RACGAP1: variants seen among roughly 807,000 people sequenced by gnomAD.
RACGAP1 encodes the protein rac GTPase-activating protein 1.
RACGAP1 carries 30 observed loss-of-function variants against 78.1 expected under a neutral mutation model. That is an observed-to-expected ratio of 0.38 (90% CI 0.29 to 0.52). The LOEUF (loss-of-function observed/expected upper bound fraction) is 0.52. RACGAP1 is among the 20% of genes least tolerant of loss of function. RACGAP1 has a pLI of 0.82. For missense variants in RACGAP1, 587 were observed against 777.1 expected (o/e 0.76, Z 2.91); for synonymous variants, 231 against 264.8 (o/e 0.87, Z 1.24).
intron 7 of RACGAP1, among the ~76,000 whole-genome samples, chr12:50,000,595 C>T (rs1020754086): frequency 7.2e-5 from 11 of 151,904 alleles, no homozygotes; most frequent in African/African-American, 2.4e-4. Context: ...GGAGAGACTC[C>T]CCCTCTACTT....
At chr12:50,032,892 G>A (rs1216017647) in intron 1 of RACGAP1, 1 of 152,216 alleles carries the variant, frequency 6.6e-6, no homozygotes, top group Non-Finnish European at 1.5e-5. Context: ...CCCGCGCCCA[G>A]GCACCAATGA....
Position 50,002,100 on chromosome 12 carries a change from T to C in RACGAP1, c.549+147A>G. 8.1e-6 allele frequency: 3 copies of C among 371,350 alleles called. No homozygotes were observed. The South Asian group carries it at 1.3e-4, about 17-fold the overall frequency. The allele number at this position is 371,350 out of a possible 1,614,324, so 23.0% of individuals were successfully genotyped here. On this transcript the variant is annotated intron_variant, in intron 6 of 16. Coordinates refer to ENST00000312377, the MANE Select transcript of RACGAP1 (RefSeq NM_001319999.2). ...AAAAAAAAAAAAAAAAGAATATCAA[T>C]ACTGTCCCCACAGCATGAATTCATC...
Position 49,994,248 on chromosome 12 carries a change from G to C in RACGAP1, c.1222C>G (p.Leu408Val). 6.2e-7 allele frequency: 1 copy of C among 1,614,146 alleles called. No individual in the cohort carries two copies. ...EKFLRVKTVP[L>V]LSKVDDIHAI... ...TGGATATCATCCACTTTGCTGAGGA[G>C]GGGTACAGTTTTCACTCTGAGGAAT... The change falls in exon 12 of 17, where the codon CTC becomes GTC. Residue 408 changes from leucine to valine, a missense_variant. By Grantham distance (32) the Leu-to-Val change is conservative. Transcript: ENST00000312377.
intron 9 of RACGAP1, 144 bp downstream of exon 9, chr12:49,998,997 A>G (rs184858583): frequency 7.0e-5 from 71 of 1,016,666 alleles, no homozygotes; most frequent in South Asian, 6.6e-4. Context: ...TCTGTAACCA[A>G]TAGTTACTTC....
intron 2 of RACGAP1, among the ~76,000 whole-genome samples, chr12:50,011,955 A>C (rs1949366164): frequency 1.6e-5 from 2 of 121,976 alleles, no homozygotes; most frequent in African/African-American, 7.0e-5. Flanking sequence ...CTCCGTCTCA[A>C]AAAAAAAAAA....
At chr12:50,017,321 C>T (rs1949735829) in intron 1 of RACGAP1, among the ~76,000 whole-genome samples, 1 of 152,158 alleles carries the variant, frequency 6.6e-6, no homozygotes, top group African/African-American at 2.4e-5. Flanking sequence ...GCAGGAACTA[C>T]GTCTAATAAA....
At chr12:50,012,947 C>T (rs1434149556) in intron 2 of RACGAP1, among the ~76,000 whole-genome samples, 6 of 151,744 alleles carry the variant, frequency 4.0e-5, no homozygotes, top group African/African-American at 1.5e-4. Context: ...CCTGTAATCC[C>T]AGCTACTCAG....
chr12:50,005,415 A>G (rs773091870), intron 3 of RACGAP1, 23 bp from the exon 4 acceptor site: 11 of 1,613,048 alleles, frequency 6.8e-6, no homozygotes, highest in Non-Finnish European at 8.5e-6. Context: ...GCAAAGTAAA[A>G]CATCATAACT....
Position 49,994,334 on chromosome 12 carries a change from T to G in RACGAP1, c.1141-5A>C. Reference sequence around the variant, plus strand: ...AGAGATCCTATACAGGCCTGTCTATTATCAAGATGACATTTTTATTTAAAA... The same window carrying G: ...AGAGATCCTATACAGGCCTGTCTATGATCAAGATGACATTTTTATTTAAAA... On this transcript the variant is annotated splice_polypyrimidine_tract_variant and splice_region_variant and intron_variant, in intron 11 of 16. Coordinates refer to ENST00000312377, the MANE Select transcript of RACGAP1 (RefSeq NM_001319999.2). 1 of 1,612,962 alleles carries G rather than the reference T, an allele frequency of 6.2e-7. No individual in the cohort carries two copies. Among genetic ancestry groups the G allele is most frequent in the Non-Finnish European group, 8.5e-7 (1 of 1,179,702 alleles).
chr12:50,011,074 C>T (rs1016028798), intron 2 of RACGAP1, among the ~76,000 whole-genome samples: 16 of 152,142 alleles, frequency 1.1e-4, no homozygotes, highest in Non-Finnish European at 2.2e-4. Context: ...CAGAGGCTCA[C>T]GCCTGTAATG....
Position 50,021,031 on chromosome 12 carries a change from AT to A in RACGAP1, c.-4-4313del, listed in dbSNP as rs1949979393. ...GTACTAACTCTGATATCTCAGCCAA[AT>A]TGTAACTCAAAAAGCTAAAATTTAC... On this transcript the variant is annotated intron_variant, in intron 1 of 16. Transcript: ENST00000312377. 7.4e-6 allele frequency: 6 copies of A among 811,976 alleles called. No homozygotes were observed. The South Asian group carries it at 2.8e-4, about 38-fold the overall frequency. The allele number at this position is 811,976 out of a possible 1,614,324, so 50.3% of individuals were successfully genotyped here.
chr12:50,005,137 CT>C, intron 4 of RACGAP1, 118 bp downstream of exon 4: 4 of 1,476,582 alleles, frequency 2.7e-6, no homozygotes. Context: ...CCCACAAAAT[CT>C]TTTTCTGCTT....
chr12:49,993,761 A>AG (rs1194363096), intron 12 of RACGAP1, among the ~76,000 whole-genome samples: 2 of 150,690 alleles, frequency 1.3e-5, no homozygotes, highest in Non-Finnish European at 3.0e-5. Context: ...AAAAAAAAAA[A>AG]AGAGGCTGGG....
At chr12:49,997,272 CTTTTTTTTTTT>C (rs540814831) in intron 9 of RACGAP1, 68 bp from the exon 10 acceptor site, 2 of 1,159,486 alleles carry the variant, frequency 1.7e-6, no homozygotes, top group Middle Eastern at 3.3e-4. Context: ...AATCAACTAA[CTTTTTTTTTTT>C]TTTTTTTTTG....
In RACGAP1 at chr12:50,006,512, A is replaced by G; in HGVS notation, c.210T>C (p.Val70=). The G allele has an allele frequency of 6.2e-7, 1 of 1,614,176 alleles. No homozygotes were observed. The highest frequency in any genetic ancestry group is 8.5e-7 in the Non-Finnish European group (1 of 1,180,020). Residue 70 remains valine (V), a synonymous_variant, in exon 3 of 17, where the codon GTT becomes GTC. Transcript: ENST00000312377. ...KAETERSALD[V]KLKHARNQVD... is the part of the protein sequence containing the mutation. ...CCTGATTACGTGCATGCTTCAGCTT[A>G]ACATCCAGAGCACTTCGCTCAGTCT...
chr12:50,027,922 G>A (rs1049593291), upstream of RACGAP1, among the ~76,000 whole-genome samples: 6 of 152,286 alleles, frequency 3.9e-5, no homozygotes, highest in Admixed American at 3.3e-4. Flanking sequence ...GGTGATGTTG[G>A]GGGTTAAGTG....
upstream of RACGAP1, chr12:50,025,517 A>C: frequency 1.0e-6 from 1 of 985,406 alleles, no homozygotes. Context: ...ATCACAGAGA[A>C]ATTTATTCCT....
chr12:49,992,548 A>C lies in RACGAP1; in HGVS notation c.1445+2T>G. On this transcript the variant is annotated splice_donor_variant, in intron 13 of 16. Transcript: ENST00000312377. LOFTEE classifies it high-confidence loss of function. ...CCCAGAACAAGTTTCTGCTGTACTC[A>C]CCTCTGCAAGTGAATCATGAGGAAA... 1 of 1,612,792 alleles carries C rather than the reference A, an allele frequency of 6.2e-7. No individual in the cohort carries two copies. Among genetic ancestry groups the C allele is most frequent in the Non-Finnish European group, 8.5e-7 (1 of 1,179,338 alleles).
chr12:50,004,941 A>AT (rs1343522900), intron 4 of RACGAP1, among the ~76,000 whole-genome samples: 1 of 152,240 alleles, frequency 6.6e-6, no homozygotes, highest in Non-Finnish European at 1.5e-5. Context: ...CACTGAAAGT[A>AT]TTGCTGAACT....
Sources: gnomAD v4.1 joint callset for allele counts (sites outside exome capture counted in the v4.1 genomes callset) on GRCh38, gnomAD v4.1.1 for gene constraint, MANE v1.5 for transcripts, NCBI Gene and HGNC (gene_info 2026-07-23, HGNC 2026-07-21) for gene names.